Variants in GRIK2 observed in about 807,000 individuals in gnomAD.
GRIK2 encodes the protein glutamate ionotropic receptor kainate type subunit 2.
Under a neutral mutation model 100.3 loss-of-function variants are expected in GRIK2, and 32 were observed. That is an observed-to-expected ratio of 0.32 (90% CI 0.24 to 0.43). The LOEUF is 0.43. GRIK2 is among the 20% of genes least tolerant of loss of function. GRIK2 has a pLI of 1.00. For missense variants in GRIK2, 843 were observed against 1,114.9 expected, an observed-to-expected ratio of 0.76 and a Z score of 3.47; for synonymous variants, 417 against 389.4, an observed-to-expected ratio of 1.07 and a Z score of -0.83.
chr6:101,553,934 T>C (rs1776624459), intron 2 of GRIK2, among the ~76,000 whole-genome samples: 1 of 152,168 alleles, frequency 6.6e-6, no homozygotes, highest in Non-Finnish European at 1.5e-5. Context: ...AGAGGAACTA[T>C]CTACTGACAG....
intron 9 of GRIK2, among the ~76,000 whole-genome samples, chr6:101,809,705 A>AAATT (rs1781213896): frequency 6.6e-6 from 1 of 152,042 alleles, no homozygotes; most frequent in Admixed American, 6.6e-5. Context: ...TCAAAAAGTG[A>AAATT]TGTTTGCTTC....
Position 102,068,574 on chromosome 6 carries a change from G to A in GRIK2, c.*63G>A. 6.9e-7 allele frequency: 1 copy of A among 1,454,936 alleles called. No individual in the cohort carries two copies. Among genetic ancestry groups the A allele is most frequent in the Non-Finnish European group, 9.5e-7 (1 of 1,053,338 alleles). 90.1% of individuals were successfully genotyped at this position (1,454,936 alleles called of 1,614,324 possible). A position where few individuals can be genotyped will look rare whatever the true frequency, so the allele number is the denominator to read the frequency against. On this transcript the variant is annotated 3_prime_UTR_variant, in exon 17 of 17. Transcript: ENST00000369134. The stretch of plus-strand genomic sequence containing the variant: ...TTTTTCCAAACAATTTAGCCAGAAT[G>A]TTTCCTGTGGAAATATGCAACCTGT...
At position 102,068,616 on chromosome 6, in the gene GRIK2, T is replaced by C; in HGVS notation, c.*105T>C. On this transcript the variant is annotated 3_prime_UTR_variant, in exon 17 of 17. Transcript: ENST00000369134. ...GCAACCTGTGCAAAATAAAATGAGT[T>C]ACCTCATGCCGCTGTGTCTATGAAC... is the stretch of plus-strand genomic sequence containing the variant. 1 of 890,626 alleles carries C rather than the reference T, an allele frequency of 1.1e-6. No homozygotes were observed. Among genetic ancestry groups the C allele is most frequent in the Non-Finnish European group, 1.7e-6 (1 of 577,172 alleles). The allele number at this position is 890,626 out of a possible 1,614,324, so 55.2% of individuals were successfully genotyped here. A position where few individuals can be genotyped will look rare whatever the true frequency, so the allele number is the denominator to read the frequency against.
intron 12 of GRIK2, among the ~76,000 whole-genome samples, chr6:101,920,681 C>T (rs906495111): frequency 6.7e-6 from 1 of 149,242 alleles, no homozygotes; most frequent in Non-Finnish European, 1.5e-5. Flanking sequence ...TAGGGAATTA[C>T]AGGGTAAATG....
At chr6:101,622,613 C>A (rs187306078) in intron 3 of GRIK2, among the ~76,000 whole-genome samples, 1 of 152,048 alleles carries the variant, frequency 6.6e-6, no homozygotes, top group African/African-American at 2.4e-5. Flanking sequence ...TATGTATATT[C>A]CATGCTCATA....
At chr6:101,747,806 C>G (rs1255713767) in intron 7 of GRIK2, among the ~76,000 whole-genome samples, 5 of 151,790 alleles carry the variant, frequency 3.3e-5, no homozygotes, top group Admixed American at 3.3e-4. Flanking sequence ...CATACTGTGC[C>G]ATCTTTGAGG....
chr6:101,606,942 G>C (rs796373954), intron 2 of GRIK2, among the ~76,000 whole-genome samples: 19 of 151,994 alleles, frequency 1.3e-4, no homozygotes, highest in African/African-American at 4.6e-4. Context: ...CGCTTTCTGT[G>C]TCACAAACAG....
At chr6:101,723,145 T>C (rs947166497) in intron 7 of GRIK2, among the ~76,000 whole-genome samples, 1 of 152,076 alleles carries the variant, frequency 6.6e-6, no homozygotes, top group Non-Finnish European at 1.5e-5. Flanking sequence ...GTCAGTATTG[T>C]CGTCTTCAAA....
chr6:101,934,941 A>G (rs1012901740), intron 14 of GRIK2, among the ~76,000 whole-genome samples: 1 of 152,016 alleles, frequency 6.6e-6, no homozygotes, highest in African/African-American at 2.4e-5. Flanking sequence ...AAGATGAGAA[A>G]TATTATCTAG....
At chr6:102,022,477 T>C (rs973462086) in intron 14 of GRIK2, among the ~76,000 whole-genome samples, 3 of 151,818 alleles carry the variant, frequency 2.0e-5, no homozygotes, top group African/African-American at 7.2e-5. Context: ...GAGTAAGCCA[T>C]GATTGTGCCA....
chr6:102,030,819 T>C (rs994013629), intron 14 of GRIK2, among the ~76,000 whole-genome samples: 1 of 151,056 alleles, frequency 6.6e-6, no homozygotes, highest in Non-Finnish European at 1.5e-5. Context: ...GTATCTAATA[T>C]GGCATTCAAA....
At chr6:101,821,348 A>G (rs1781936285) in intron 10 of GRIK2, among the ~76,000 whole-genome samples, 1 of 152,194 alleles carries the variant, frequency 6.6e-6, no homozygotes, top group Admixed American at 6.5e-5. Context: ...AAGCTTTAAT[A>G]AATACACTAA....
intron 11 of GRIK2, among the ~76,000 whole-genome samples, chr6:101,872,200 G>C (rs149388608): frequency 6.6e-6 from 1 of 151,858 alleles, no homozygotes; most frequent in East Asian, 1.9e-4. Flanking sequence ...ACCTAGAAAT[G>C]TGGCCAACAT....
At position 101,598,933 on chromosome 6, in the gene GRIK2, G is replaced by T. The variant is rs184786608; in HGVS notation, c.116-23016G>T. 5.6e-3 allele frequency among the ~76,000 whole-genome samples: 853 copies of T among 151,444 alleles called. 11 individuals carry two copies. The highest frequency in any genetic ancestry group is 0.02 in the African/African-American group (819 of 41,358). ...AAAAATAATTTTAATTTTAATTTTA[G>T]ATTCATGAGTGTATGTGGAGGTTTG... On this transcript the variant is annotated intron_variant, in intron 2 of 16. Transcript: ENST00000369134.
intron 2 of GRIK2, among the ~76,000 whole-genome samples, chr6:101,603,419 T>G (rs1779310687): frequency 1.3e-5 from 2 of 151,652 alleles, no homozygotes; most frequent in African/African-American, 4.8e-5. Context: ...TAACCACGAT[T>G]TGGAAAGCAA....
chr6:101,825,112 C>A (rs1314277615), intron 10 of GRIK2, among the ~76,000 whole-genome samples: 1 of 152,148 alleles, frequency 6.6e-6, no homozygotes, highest in Non-Finnish European at 1.5e-5. Flanking sequence ...CCAGACACTG[C>A]AACTTCACAA....
chr6:101,397,757 AT>A (rs373877862), intron 1 of GRIK2, among the ~76,000 whole-genome samples: 89 of 151,822 alleles, frequency 5.9e-4, no homozygotes, highest in Non-Finnish European at 1.0e-3. Flanking sequence ...CAGATAGGAT[AT>A]TTTTTTGTGA....
At chr6:101,586,012 T>C (rs1264230889) in intron 2 of GRIK2, among the ~76,000 whole-genome samples, 1 of 151,954 alleles carries the variant, frequency 6.6e-6, no homozygotes, top group Admixed American at 6.6e-5. Flanking sequence ...AGAGGGAGAT[T>C]AAAGCCAACT....
intron 7 of GRIK2, among the ~76,000 whole-genome samples, chr6:101,789,940 T>C (rs1333732904): frequency 1.3e-5 from 2 of 152,188 alleles, no homozygotes; most frequent in Non-Finnish European, 2.9e-5. Context: ...TAAGTTGGAT[T>C]CCTAAGTATT....
Sources: gnomAD v4.1 joint callset for allele counts (sites outside exome capture counted in the v4.1 genomes callset) on GRCh38, gnomAD v4.1.1 for gene constraint, MANE v1.5 for transcripts, NCBI Gene and HGNC (gene_info 2026-07-23, HGNC 2026-07-21) for gene names.